The following NCALD variants were observed in gnomAD, a reference collection of about 807,000 sequenced individuals.
NCALD encodes the protein neurocalcin-delta.
A neutral mutation model predicts 18.6 loss-of-function variants in NCALD; 10 were observed. The ratio of observed to expected loss-of-function variants is 0.54; its 90% confidence interval spans 0.33 to 0.91. NCALD has a LOEUF of 0.91. NCALD is among the 40% of genes least tolerant of loss of function. The pLI, the probability that NCALD is intolerant of heterozygous loss-of-function variation, is 0.03. For synonymous variants in NCALD, 88 were observed against 87.4 expected (o/e 1.01, Z -0.04); for missense variants, 184 against 247.6 (o/e 0.74, Z 1.72).
intron 4 of NCALD, among the ~76,000 whole-genome samples, chr8:101,840,063 A>C (rs1814577938): frequency 6.6e-6 from 1 of 152,072 alleles, no homozygotes; most frequent in African/African-American, 2.4e-5. Context: ...AAGGAAATGA[A>C]GTACTCTTAA....
chr8:101,795,741 C>T (rs117648423), upstream of NCALD, among the ~76,000 whole-genome samples: 1,636 of 152,218 alleles, frequency 0.011, 21 homozygotes, highest in Non-Finnish European at 0.017. Flanking sequence ...TTGGATGATT[C>T]TTAAGTGGTG....
chr8:102,095,489 C>G (rs1214904407), intron 1 of NCALD, among the ~76,000 whole-genome samples: 1 of 152,170 alleles, frequency 6.6e-6, no homozygotes, highest in Non-Finnish European at 1.5e-5. Flanking sequence ...TAGGCTCGGA[C>G]CAGCTAAAAC....
At chr8:101,999,620 C>A (rs552640541) in intron 2 of NCALD, among the ~76,000 whole-genome samples, 1 of 152,034 alleles carries the variant, frequency 6.6e-6, no homozygotes, top group Admixed American at 6.5e-5. Flanking sequence ...CACGAAAGAA[C>A]TTATCAATGT....
At chr8:101,791,425 A>G (rs1812441328), upstream of NCALD, among the ~76,000 whole-genome samples, 1 of 152,232 alleles carries the variant, frequency 6.6e-6, no homozygotes, top group Admixed American at 6.5e-5. Context: ...GCAAGCAAAT[A>G]TATAAAAACA....
intron 1 of NCALD, among the ~76,000 whole-genome samples, chr8:102,037,131 G>A (rs1822895968): frequency 6.6e-6 from 1 of 152,058 alleles, no homozygotes; most frequent in South Asian, 2.1e-4. Context: ...ACTAACAAAA[G>A]CAAGCAGTTA....
intron 4 of NCALD, among the ~76,000 whole-genome samples, chr8:101,877,496 C>T (rs1024201892): frequency 6.6e-6 from 1 of 152,230 alleles, no homozygotes; most frequent in Non-Finnish European, 1.5e-5. Context: ...ATTCCCCAGT[C>T]ATTCTGCATT....
At chr8:101,863,842 G>A (rs982368328) in intron 4 of NCALD, among the ~76,000 whole-genome samples, 3 of 152,060 alleles carry the variant, frequency 2.0e-5, no homozygotes, top group African/African-American at 4.8e-5. Flanking sequence ...TGACCATTGG[G>A]GGAAGACTTA....
chr8:101,893,427 C>G (rs1434808285), intron 3 of NCALD, among the ~76,000 whole-genome samples: 1 of 149,816 alleles, frequency 6.7e-6, no homozygotes, highest in Non-Finnish European at 1.5e-5. Flanking sequence ...ATGTAAAGAC[C>G]ATCGAGACTA....
chr8:101,840,706 T>C (rs1457163624), intron 4 of NCALD, among the ~76,000 whole-genome samples: 2 of 152,242 alleles, frequency 1.3e-5, no homozygotes, highest in Non-Finnish European at 2.9e-5. Flanking sequence ...GCCACCTTTG[T>C]AGATATGTGT....
intron 4 of NCALD, among the ~76,000 whole-genome samples, chr8:101,881,785 A>G (rs1396798064): frequency 2.6e-5 from 4 of 152,224 alleles, no homozygotes. Context: ...GGCTGAGTAA[A>G]TATCTAATTA....
intron 1 of NCALD, among the ~76,000 whole-genome samples, chr8:102,054,764 TTGATAGA>T (rs944149028): frequency 5.5e-4 from 83 of 152,292 alleles, no homozygotes; most frequent in African/African-American, 1.7e-3. Flanking sequence ...TAGATATATA[TTGATAGA>T]TGATAGATGA....
At chr8:101,982,460 T>G (rs1363025479) in intron 2 of NCALD, among the ~76,000 whole-genome samples, 1 of 152,210 alleles carries the variant, frequency 6.6e-6, no homozygotes, top group African/African-American at 2.4e-5. Context: ...TGAACCTACC[T>G]TGTATGTTGA....
intron 1 of NCALD, among the ~76,000 whole-genome samples, chr8:102,095,807 T>C (rs1200108164): frequency 6.6e-6 from 1 of 152,252 alleles, no homozygotes. Flanking sequence ...TAAATGTATG[T>C]GTATAAACAT....
chr8:101,791,108 T>G (rs1812428070), upstream of NCALD: 1 of 152,212 alleles, frequency 6.6e-6, no homozygotes. Flanking sequence ...AGGTCATCTG[T>G]CACTGTGGTG....
chr8:101,784,790 A>G lies in NCALD; in HGVS notation c.-20+6072T>C, dbSNP rs1111931. ...CTTCAGCCTGGGCAACAGAGTGAGA[A>G]CCCATCTCTAAAAAAAAATTTTTTT... On this transcript the variant is annotated intron_variant, in intron 1 of 3. Coordinates refer to ENST00000220931, the MANE Select transcript of NCALD (RefSeq NM_032041.3). Among the ~76,000 whole-genome samples the G allele has an allele frequency of 7.0e-3, 1,072 of 152,172 alleles. 36 individuals carry two copies. The highest frequency in any genetic ancestry group is 0.05 in the Admixed American group (760 of 15,270).
chr8:101,816,169 T>C (rs1586567660), intron 4 of NCALD, among the ~76,000 whole-genome samples: 1 of 152,168 alleles, frequency 6.6e-6, no homozygotes, highest in South Asian at 2.1e-4. Flanking sequence ...TGGAGCAGAG[T>C]ATTTTTATGG....
chr8:101,944,130 C>T (rs1819074521), intron 2 of NCALD, among the ~76,000 whole-genome samples: 1 of 152,098 alleles, frequency 6.6e-6, no homozygotes, highest in Non-Finnish European at 1.5e-5. Context: ...TGACCATGTA[C>T]CAGACAAGCC....
chr8:101,792,803 T>A (rs1458354688), upstream of NCALD, among the ~76,000 whole-genome samples: 1 of 151,996 alleles, frequency 6.6e-6, no homozygotes, highest in Non-Finnish European at 1.5e-5. Flanking sequence ...TTCTTCCTCC[T>A]CTTTATGCAG....
intron 1 of NCALD, among the ~76,000 whole-genome samples, chr8:101,781,218 G>A (rs967676107): frequency 2.6e-5 from 4 of 151,962 alleles, no homozygotes; most frequent in Non-Finnish European, 5.9e-5. Context: ...AGAATGGTTT[G>A]CTTTAACTAC....
Sources: gnomAD v4.1 joint callset for allele counts (sites outside exome capture counted in the v4.1 genomes callset) on GRCh38, gnomAD v4.1.1 for gene constraint, MANE v1.5 for transcripts, NCBI Gene and HGNC (gene_info 2026-07-23, HGNC 2026-07-21) for gene names.